The following CAMK4 variants were observed in gnomAD, a reference collection of about 807,000 sequenced individuals.
CAMK4 encodes the protein calcium/calmodulin dependent protein kinase IV.
In CAMK4, 22 loss-of-function variants were observed where a neutral mutation model predicts 44.9. The ratio of observed to expected loss-of-function variants is 0.49; its 90% confidence interval spans 0.35 to 0.70. The LOEUF is 0.70. CAMK4 is among the 30% of genes least tolerant of loss of function. The probability of loss-of-function intolerance (pLI) is 0.01; values close to 1 mark genes in which losing one functional copy is unlikely to be tolerated. For synonymous variants in CAMK4, 218 were observed against 215.4 expected (o/e 1.01, Z -0.11); for missense variants, 498 against 586.8 (o/e 0.85, Z 1.56).
chr5:111,226,979 C>G (rs761369978), intron 1 of CAMK4, among the ~76,000 whole-genome samples: 1 of 152,136 alleles, frequency 6.6e-6, no homozygotes, highest in Non-Finnish European at 1.5e-5. Flanking sequence ...TGTAAAAGAT[C>G]ACAGAGTTAA....
At chr5:111,299,343 C>T (rs535441575) in intron 1 of CAMK4, among the ~76,000 whole-genome samples, 9 of 152,296 alleles carry the variant, frequency 5.9e-5, no homozygotes, top group East Asian at 1.9e-4. Context: ...CTGTACATAA[C>T]GGCTTGTGTC....
At chr5:111,408,692 C>G (rs1752523891) in intron 5 of CAMK4, among the ~76,000 whole-genome samples, 1 of 152,168 alleles carries the variant, frequency 6.6e-6, no homozygotes, top group Admixed American at 6.5e-5. Flanking sequence ...TCAGCTGAGA[C>G]AAAGCAAGTC....
At chr5:111,360,225 G>A (rs902194253) in intron 2 of CAMK4, among the ~76,000 whole-genome samples, 1 of 152,088 alleles carries the variant, frequency 6.6e-6, no homozygotes, top group African/African-American at 2.4e-5. Context: ...ATTTCTTTAG[G>A]GTGAAGATTG....
intron 1 of CAMK4, among the ~76,000 whole-genome samples, chr5:111,341,061 T>G (rs1749622417): frequency 2.0e-5 from 3 of 151,188 alleles, no homozygotes; most frequent in Non-Finnish European, 4.4e-5. Context: ...TTGTATGTGT[T>G]CCGATATTTT....
chr5:111,483,232 A>G (rs1426437461), intron 10 of CAMK4, among the ~76,000 whole-genome samples: 1 of 152,208 alleles, frequency 6.6e-6, no homozygotes, highest in African/African-American at 2.4e-5. Flanking sequence ...CTGCTTAAAC[A>G]GCATTGTTCA....
At chr5:111,396,700 A>T (rs1006835013) in intron 5 of CAMK4, among the ~76,000 whole-genome samples, 3 of 119,292 alleles carry the variant, frequency 2.5e-5, no homozygotes, top group African/African-American at 3.3e-5. Context: ...GAGTGCAATG[A>T]CGTGATCTTG....
intron 1 of CAMK4, among the ~76,000 whole-genome samples, chr5:111,252,675 A>C (rs1385901614): frequency 6.6e-6 from 1 of 152,218 alleles, no homozygotes; most frequent in East Asian, 1.9e-4. Flanking sequence ...GTTAATCATA[A>C]TGTAATGTTA....
intron 2 of CAMK4, among the ~76,000 whole-genome samples, chr5:111,346,312 A>G (rs1749860937): frequency 6.6e-6 from 1 of 151,912 alleles, no homozygotes; most frequent in South Asian, 2.1e-4. Flanking sequence ...ATTAAGCTCA[A>G]CCACATAAAA....
In CAMK4 at chr5:111,486,531, ACACACACAC is replaced by A. The variant is rs1308959665; in HGVS notation, c.*2066_*2074del. 2.8e-5 allele frequency: 4 copies of A among 142,518 alleles called. No homozygotes were observed. The highest frequency in any genetic ancestry group is 8.2e-5 in the African/African-American group (3 of 36,788). 8.8% of individuals were successfully genotyped at this position (142,518 alleles called of 1,614,324 possible). On this transcript the variant is annotated 3_prime_UTR_variant, in exon 11 of 11. Coordinates refer to ENST00000282356, the MANE Select transcript of CAMK4 (RefSeq NM_001744.6). ...CACACACACACACACACACACACACACACACACACACGTGTTGGAAGAGCAAAGAGAGGG... is the reference window on the plus strand; with the variant it reads ...CACACACACACACACACACACACACAACGTGTTGGAAGAGCAAAGAGAGGG...
chr5:111,290,067 C>T lies in CAMK4; in HGVS notation c.162-53957C>T, dbSNP rs1201482014. Among the ~76,000 whole-genome samples, 2 of 152,110 alleles carry T rather than the reference C, an allele frequency of 1.3e-5. No individual in the cohort carries two copies. The highest frequency in any genetic ancestry group is 6.5e-5 in the Admixed American group (1 of 15,278). Reference sequence around the variant, plus strand: ...ATGGTAAGTATTGGTGAGAAGAGCCCATCCCACCTTTATCCCTAGGTTTCC... The same window carrying T: ...ATGGTAAGTATTGGTGAGAAGAGCCTATCCCACCTTTATCCCTAGGTTTCC... On this transcript the variant is annotated intron_variant, in intron 1 of 10. Transcript: ENST00000282356. The surrounding 1 kb of genome is among the most constrained non-coding windows in gnomAD (Gnocchi z 4.5).
intron 7 of CAMK4, among the ~76,000 whole-genome samples, chr5:111,461,001 T>C (rs912393148): frequency 1.3e-5 from 2 of 152,200 alleles, no homozygotes; most frequent in Non-Finnish European, 1.5e-5. Flanking sequence ...AATCATATAA[T>C]TCTTGCGGTA....
intron 1 of CAMK4, among the ~76,000 whole-genome samples, chr5:111,317,045 C>T (rs374723527): frequency 2.0e-5 from 3 of 151,912 alleles, no homozygotes; most frequent in Non-Finnish European, 2.9e-5. Flanking sequence ...ACAGAATGCA[C>T]GAAAACTACT....
intron 5 of CAMK4, among the ~76,000 whole-genome samples, chr5:111,406,814 G>A (rs1366780659): frequency 1.3e-5 from 2 of 152,142 alleles, no homozygotes; most frequent in African/African-American, 4.8e-5. Flanking sequence ...AATGCCTCAG[G>A]ATTAAGATGA....
At chr5:111,289,121 T>A (rs1376267065) in intron 1 of CAMK4, among the ~76,000 whole-genome samples, 2 of 151,830 alleles carry the variant, frequency 1.3e-5, no homozygotes, top group East Asian at 3.9e-4. Context: ...CTGAGATGGG[T>A]GGATCATCTG....
At chr5:111,292,808 G>A (rs1747328321) in intron 1 of CAMK4, among the ~76,000 whole-genome samples, 1 of 152,070 alleles carries the variant, frequency 6.6e-6, no homozygotes, top group Non-Finnish European at 1.5e-5. Flanking sequence ...GTGCACACCT[G>A]TAGTTCTAGC....
chr5:111,475,354 T>C (rs1199000861), intron 8 of CAMK4, among the ~76,000 whole-genome samples: 2 of 152,108 alleles, frequency 1.3e-5, no homozygotes, highest in African/African-American at 4.8e-5. Context: ...GTATTAATGA[T>C]ATGAAAGAAC....
At chr5:111,289,800 C>T (rs1381547790) in intron 1 of CAMK4, among the ~76,000 whole-genome samples, 1 of 152,186 alleles carries the variant, frequency 6.6e-6, no homozygotes, top group Non-Finnish European at 1.5e-5. Context: ...AATGAATCAC[C>T]CCACATTCAT....
chr5:111,355,258 G>C (rs1750288664), intron 2 of CAMK4, among the ~76,000 whole-genome samples: 1 of 152,000 alleles, frequency 6.6e-6, no homozygotes, highest in Admixed American at 6.6e-5. Flanking sequence ...ATCAAACCAG[G>C]TCTCCTGGAA....
chr5:111,310,799 G>A (rs1299578713), intron 1 of CAMK4, among the ~76,000 whole-genome samples: 1 of 152,084 alleles, frequency 6.6e-6, no homozygotes, highest in Non-Finnish European at 1.5e-5. Context: ...AATAAGAATT[G>A]TGAATATGTT....
Sources: gnomAD v4.1 joint callset for allele counts (sites outside exome capture counted in the v4.1 genomes callset) on GRCh38, gnomAD v4.1.1 for gene constraint, Gnocchi (gnomAD v3.1) non-coding constraint, MANE v1.5 for transcripts, NCBI Gene and HGNC (gene_info 2026-07-23, HGNC 2026-07-21) for gene names.